Variants in RAVER2 observed in about 807,000 individuals in gnomAD.
The protein encoded by RAVER2 is ribonucleoprotein PTB-binding 2.
Under a neutral mutation model 78.1 loss-of-function variants are expected in RAVER2, and 46 were observed. The ratio of observed to expected loss-of-function variants is 0.59; its 90% CI spans 0.46 to 0.75. RAVER2 has a LOEUF of 0.75. RAVER2 is among the 30% of genes least tolerant of loss of function. The pLI is 0.00. For synonymous variants in RAVER2, 311 were observed against 313.3 expected, an observed-to-expected ratio of 0.99 and a Z score of 0.08; for missense variants, 793 against 837.5, an observed-to-expected ratio of 0.95 and a Z score of 0.66.
At chr1:64,765,385 C>A (rs1393714740) in intron 1 of RAVER2, among the ~76,000 whole-genome samples, 1 of 152,076 alleles carries the variant, frequency 6.6e-6, no homozygotes, top group Non-Finnish European at 1.5e-5. Flanking sequence ...AAAATGGATA[C>A]ATAAATTATA....
chr1:64,808,607 A>C (rs1653512940), intron 9 of RAVER2, among the ~76,000 whole-genome samples: 1 of 151,712 alleles, frequency 6.6e-6, no homozygotes, highest in Non-Finnish European at 1.5e-5. Context: ...GATTACATGC[A>C]CACACCGCCA....
intron 4 of RAVER2, among the ~76,000 whole-genome samples, chr1:64,787,508 T>A (rs989777680): frequency 1.3e-5 from 2 of 152,198 alleles, no homozygotes; most frequent in African/African-American, 4.8e-5. Context: ...TCTCTTCATT[T>A]CCACCCCTGC....
At chr1:64,768,773 C>T (rs188648113) in intron 2 of RAVER2, 51 bp downstream of exon 2, 9 of 1,148,976 alleles carry the variant, frequency 7.8e-6, no homozygotes, top group African/African-American at 3.2e-5. Context: ...TCCCTGTACT[C>T]GTTATAGAAC....
intron 5 of RAVER2, among the ~76,000 whole-genome samples, chr1:64,799,608 A>G (rs1255161212): frequency 3.3e-5 from 5 of 151,704 alleles, no homozygotes. Flanking sequence ...ACACCCTGCT[A>G]TTTTTGTATT....
intron 11 of RAVER2, among the ~76,000 whole-genome samples, chr1:64,828,137 T>G (rs1654041745): frequency 6.6e-6 from 1 of 151,726 alleles, no homozygotes; most frequent in Non-Finnish European, 1.5e-5. Context: ...ATGAAACCAG[T>G]GCCTGTACCT....
chr1:64,797,574 T>G (rs1653129637), intron 5 of RAVER2, among the ~76,000 whole-genome samples: 1 of 152,216 alleles, frequency 6.6e-6, no homozygotes, highest in African/African-American at 2.4e-5. Flanking sequence ...TTCTGTGAAT[T>G]TTGCTTCATA....
rs549410372 is a variant in RAVER2 at position 64,761,803 on chromosome 1, A to G, written c.250-6853A>G. Among the ~76,000 whole-genome samples the G allele has an allele frequency of 3.3e-5, 5 of 152,322 alleles. No homozygotes were observed. The South Asian group carries it at 1.0e-3, about 32-fold the overall frequency. The stretch of plus-strand genomic sequence containing the variant: ...GTATATAGAAAATAAAAAAGAATCT[A>G]TAAATAAGCTATTAGAAATAAGTGG... On this transcript the variant is annotated intron_variant, in intron 1 of 11. Coordinates refer to ENST00000294428, the Ensembl canonical transcript of RAVER2.
intron 2 of RAVER2, among the ~76,000 whole-genome samples, chr1:64,771,682 T>C (rs1205142323): frequency 1.3e-5 from 2 of 152,120 alleles, no homozygotes; most frequent in African/African-American, 2.4e-5. Context: ...TTGAAGTCTC[T>C]TATACAGTAC....
intron 11 of RAVER2, among the ~76,000 whole-genome samples, chr1:64,826,429 A>G (rs112654590): frequency 0.024 from 3,689 of 152,322 alleles, 64 homozygotes; most frequent in Non-Finnish European, 0.039. Context: ...TATGTAAAGT[A>G]CATTCCAGGG....
intron 11 of RAVER2, among the ~76,000 whole-genome samples, chr1:64,819,389 GAA>G (rs1226000599): frequency 1.3e-5 from 2 of 149,718 alleles, no homozygotes. Flanking sequence ...GGAGAGGCCA[GAA>G]AAAAAAAGGT....
intron 5 of RAVER2, among the ~76,000 whole-genome samples, chr1:64,797,504 A>G (rs1653127134): frequency 6.6e-6 from 1 of 152,204 alleles, no homozygotes; most frequent in African/African-American, 2.4e-5. Flanking sequence ...TATGAAAAAG[A>G]GAAGAAGAGT....
chr1:64,747,518 T>C (rs370019938), intron 1 of RAVER2, among the ~76,000 whole-genome samples: 2 of 151,920 alleles, frequency 1.3e-5, no homozygotes, highest in South Asian at 2.1e-4. Flanking sequence ...TTCTTTCTTT[T>C]TTTTTTTTTC....
rs548614213 is a variant in RAVER2 at position 64,752,025 on chromosome 1, G to A, written c.249+6604G>A. On this transcript the variant is annotated intron_variant, in intron 1 of 11. Coordinates refer to ENST00000294428, the Ensembl canonical transcript of RAVER2. Reference sequence around the variant, plus strand: ...AAGATCAGATCACCTAGAACATTTGGCTATACAGTACTGTATATTTTTTGG... The same window carrying A: ...AAGATCAGATCACCTAGAACATTTGACTATACAGTACTGTATATTTTTTGG... Among the ~76,000 whole-genome samples, 6 of 152,282 alleles carry A rather than the reference G, an allele frequency of 3.9e-5. No individual in the cohort carries two copies. The East Asian group carries it at 1.2e-3, about 29-fold the overall frequency.
chr1:64,829,023 T>C (rs1261165603), intron 11 of RAVER2, among the ~76,000 whole-genome samples: 1 of 152,230 alleles, frequency 6.6e-6, no homozygotes, highest in Non-Finnish European at 1.5e-5. Flanking sequence ...CCTGTTCTAA[T>C]ATTTTCCTGT....
rs935705871 is a variant in RAVER2, at chr1:64,786,817, GT to G, written c.979-2565del. ...CAAGAAAAAAAAAAAATACTATTTT[GT>G]TTTTTAGTCACATATATTCTACTAT... On this transcript the variant is annotated intron_variant, in intron 4 of 11. Transcript: ENST00000294428. Among the ~76,000 whole-genome samples the G allele has an allele frequency of 2.0e-4, 31 of 151,914 alleles. 1 individual carries two copies. Among genetic ancestry groups the G allele is most frequent in the Non-Finnish European group, 3.8e-4 (26 of 67,978 alleles).
At chr1:64,751,610 C>T (rs780346119) in intron 1 of RAVER2, among the ~76,000 whole-genome samples, 5 of 152,096 alleles carry the variant, frequency 3.3e-5, no homozygotes, top group Non-Finnish European at 5.9e-5. Flanking sequence ...CGGGATGTTG[C>T]TATGTTGCCC....
At chr1:64,773,151 C>T (rs973954152) in intron 2 of RAVER2, among the ~76,000 whole-genome samples, 1 of 151,596 alleles carries the variant, frequency 6.6e-6, no homozygotes, top group African/African-American at 2.4e-5. Flanking sequence ...GTTGTGTGAC[C>T]AGCTAAAATA....
intron 1 of RAVER2, among the ~76,000 whole-genome samples, chr1:64,756,083 T>C (rs17126970): frequency 0.096 from 14,652 of 152,178 alleles, 1,015 homozygotes; most frequent in East Asian, 0.28. Context: ...GTTCAGATCA[T>C]ATATTGCACT....
At chr1:64,811,841 A>C (rs1211513689) in intron 9 of RAVER2, among the ~76,000 whole-genome samples, 1 of 152,148 alleles carries the variant, frequency 6.6e-6, no homozygotes, top group Non-Finnish European at 1.5e-5. Flanking sequence ...ATGTTGTTTC[A>C]AGGGTCAACT....
Sources: allele counts gnomAD v4.1 joint callset (sites outside exome capture counted in the v4.1 genomes callset), GRCh38; gene constraint gnomAD v4.1.1; transcripts MANE v1.5; gene names NCBI Gene and HGNC (gene_info 2026-07-23, HGNC 2026-07-21).